The following VIPR2 variants were observed in gnomAD, a reference collection of about 807,000 sequenced individuals.
VIPR2 encodes vasoactive intestinal polypeptide receptor 2.
A neutral mutation model predicts 58.0 loss-of-function variants in VIPR2; 48 were observed. That is an observed-to-expected ratio of 0.83 (90% confidence interval 0.66 to 1.05). The LOEUF (loss-of-function observed/expected upper bound fraction) is 1.05. Among genes scored for constraint, VIPR2 ranks in the 50% least tolerant of loss-of-function variants. The probability of loss-of-function intolerance (pLI) is 0.00; values close to 1 mark genes in which losing one functional copy is unlikely to be tolerated. For missense variants in VIPR2, 534 were observed against 558.0 expected, an observed-to-expected ratio of 0.96 and a Z score of 0.43; for synonymous variants, 243 against 235.2, an observed-to-expected ratio of 1.03 and a Z score of -0.30.
Position 159,141,308 on chromosome 7 carries a change from C to A in VIPR2, c.151+1138G>T, listed in dbSNP as rs78519681. ...ATCTGGAAGATGGGCCAGAACCATG[C>A]GTGCACCGCGGAATCGCAGATCTTT... On this transcript the variant is annotated intron_variant, in intron 2 of 12. Transcript: ENST00000262178. Among the ~76,000 whole-genome samples, 40 of 152,370 alleles carry A rather than the reference C, an allele frequency of 2.6e-4. No homozygotes were observed. The East Asian group carries it at 6.4e-3, about 24-fold the overall frequency.
In VIPR2 at chr7:159,097,464, G is replaced by A. The variant is rs7803730; in HGVS notation, c.357+6293C>T. Among the ~76,000 whole-genome samples, 4,508 of 152,032 alleles carry A rather than the reference G, an allele frequency of 0.03. 222 individuals are homozygous for A. The highest frequency in any genetic ancestry group is 0.1 in the African/African-American group (4,263 of 41,462). On this transcript the variant is annotated intron_variant, in intron 4 of 12. Coordinates refer to ENST00000262178, the MANE Select transcript of VIPR2 (RefSeq NM_003382.5). This position sits in a 1 kb window ranked among gnomAD's most constrained non-coding sequence, Gnocchi z 5.3. Reference sequence around the variant, plus strand: ...ACGGTGTGCTGCTGAGGCCATTCCCGGGAACGCCACACTCCGCCCTGGCCA... The same window carrying A: ...ACGGTGTGCTGCTGAGGCCATTCCCAGGAACGCCACACTCCGCCCTGGCCA...
chr7:159,049,391 C>A (rs1430420307), intron 5 of VIPR2, among the ~76,000 whole-genome samples: 1 of 152,304 alleles, frequency 6.6e-6, no homozygotes, highest in East Asian at 1.9e-4. Flanking sequence ...AAGGGCTGGA[C>A]TCTGGGGAGA....
intron 2 of VIPR2, among the ~76,000 whole-genome samples, chr7:159,122,471 G>A (rs867421225): frequency 2.6e-5 from 4 of 152,344 alleles, no homozygotes; most frequent in Middle Eastern, 3.4e-3. Context: ...GGTCTCCCAG[G>A]AAGAGACTGA....
chr7:159,143,470 C>T (rs1183069870), intron 1 of VIPR2, among the ~76,000 whole-genome samples: 4 of 152,034 alleles, frequency 2.6e-5, no homozygotes, highest in Non-Finnish European at 5.9e-5. Flanking sequence ...AGTTATCTTA[C>T]TATTGAAATG....
In VIPR2 at chr7:159,093,605, C is replaced by T. The variant is rs1215472948; in HGVS notation, c.357+10152G>A. 2.6e-5 allele frequency among the ~76,000 whole-genome samples: 4 copies of T among 152,210 alleles called. No homozygotes were observed. The highest frequency in any genetic ancestry group is 1.9e-4 in the East Asian group (1 of 5,182). ...CTGGGCTCAGGATCCGAGATGGGAG[C>T]GAGGAGCTGTTCCACCCACAACAAG... On this transcript the variant is annotated intron_variant, in intron 4 of 12. Coordinates refer to ENST00000262178, the MANE Select transcript of VIPR2 (RefSeq NM_003382.5). The surrounding 1 kb of genome is among the most constrained non-coding windows in gnomAD (Gnocchi z 6.7).
chr7:159,110,022 A>G (rs1795930486), intron 2 of VIPR2, 103 bp from the exon 3 acceptor site: 1 of 1,046,606 alleles, frequency 9.6e-7, no homozygotes, highest in Admixed American at 2.0e-5. Context: ...CTTTCCTGTG[A>G]AACACACTTG....
chr7:159,039,324 C>A (rs1356416003), intron 6 of VIPR2, among the ~76,000 whole-genome samples: 1 of 151,652 alleles, frequency 6.6e-6, no homozygotes, highest in Non-Finnish European at 1.5e-5. Context: ...CACACACACA[C>A]AAAATTAGCT....
intron 5 of VIPR2, among the ~76,000 whole-genome samples, chr7:159,054,100 A>AG (rs1855159460): frequency 6.6e-6 from 1 of 152,190 alleles, no homozygotes; most frequent in South Asian, 2.1e-4. Context: ...TGTGAAGAGA[A>AG]GCATTGCAGG....
chr7:159,050,468 A>G (rs1259074579), intron 5 of VIPR2, among the ~76,000 whole-genome samples: 2 of 151,934 alleles, frequency 1.3e-5, no homozygotes, highest in Non-Finnish European at 2.9e-5. Context: ...AAAGAAATGG[A>G]GAATTTTATT....
chr7:159,124,334 A>G (rs557589924), intron 2 of VIPR2, among the ~76,000 whole-genome samples: 1 of 152,292 alleles, frequency 6.6e-6, no homozygotes, highest in East Asian at 1.9e-4. Context: ...ATGTGTAAGG[A>G]AAGAGTCCAG....
intron 10 of VIPR2, 41 bp downstream of exon 10, chr7:159,034,172 G>A: frequency 6.3e-7 from 1 of 1,599,266 alleles, no homozygotes; most frequent in South Asian, 1.1e-5. Flanking sequence ...TCTCCACACG[G>A]CATCCCCATC....
At chr7:159,139,988 G>A (rs1247947600) in intron 2 of VIPR2, among the ~76,000 whole-genome samples, 1 of 152,230 alleles carries the variant, frequency 6.6e-6, no homozygotes, top group African/African-American at 2.4e-5. Flanking sequence ...AAGTCATACA[G>A]CTCCAAATAA....
rs556810654 is a variant in VIPR2, at chr7:159,099,697, A to C, written c.357+4060T>G. On this transcript the variant is annotated intron_variant, in intron 4 of 12. Transcript: ENST00000262178. This position sits in a 1 kb window ranked among gnomAD's most constrained non-coding sequence, Gnocchi z 4.2. ...TGTCTCCCAGGCACAGTTGCCGGCT[A>C]GGTGCAGACGAAGATGAAGACTCAG... Among the ~76,000 whole-genome samples the C allele has an allele frequency of 3.4e-4, 52 of 152,250 alleles. No individual in the cohort carries two copies. Among genetic ancestry groups the C allele is most frequent in the African/African-American group, 1.3e-3 (52 of 41,546 alleles).
At chr7:159,076,811 T>A (rs1029114034) in intron 4 of VIPR2, among the ~76,000 whole-genome samples, 2 of 152,184 alleles carry the variant, frequency 1.3e-5, no homozygotes, top group Non-Finnish European at 2.9e-5. Flanking sequence ...TTGGTTTAGT[T>A]TTTTTAAAAA....
At chr7:159,094,560 G>A (rs1457578723) in intron 4 of VIPR2, among the ~76,000 whole-genome samples, 1 of 152,218 alleles carries the variant, frequency 6.6e-6, no homozygotes, top group Non-Finnish European at 1.5e-5. Context: ...TCCCAGAGAA[G>A]AGTGTGCACT....
At chr7:159,062,747 A>G (rs7787641) in intron 4 of VIPR2, among the ~76,000 whole-genome samples, 26,969 of 152,030 alleles carry the variant, frequency 0.18, 2,462 homozygotes, top group African/African-American at 0.18. Context: ...GACCCAGTGA[A>G]TTGTCTCTAC....
chr7:159,058,350 G>A, intron 5 of VIPR2, 131 bp downstream of exon 5: 1 of 706,946 alleles, frequency 1.4e-6, no homozygotes, highest in South Asian at 1.6e-5. Context: ...ATATTTAATG[G>A]CAGCATTCTC....
rs201932103 is a variant in VIPR2 at position 159,142,498 on chromosome 7, C to T, written c.99G>A (p.Glu33=). The part of the protein sequence containing the change: ...PECRFHLEIQ[E]EETKCAELLR... ...GAAGCTCTGCACATTTTGTTTCTTC[C>T]TCCTGTATTTCCAGATGAAATCGGC... The change falls in exon 2 of 13, where the codon GAG becomes GAA. Residue 33 remains glutamate (E), a synonymous_variant. Transcript: ENST00000262178. The T allele has an allele frequency of 3.2e-5, 52 of 1,614,020 alleles. No individual in the cohort carries two copies. In the East Asian group the frequency reaches 9.8e-4, roughly 30 times the overall value.
At chr7:159,112,137 C>T (rs1387212691) in intron 2 of VIPR2, among the ~76,000 whole-genome samples, 1 of 152,218 alleles carries the variant, frequency 6.6e-6, no homozygotes, top group Non-Finnish European at 1.5e-5. Context: ...ATACTAAATT[C>T]ATACCACATC....
Sources: gnomAD v4.1 joint callset for allele counts (sites outside exome capture counted in the v4.1 genomes callset) on GRCh38, gnomAD v4.1.1 for gene constraint, Gnocchi (gnomAD v3.1) non-coding constraint, MANE v1.5 for transcripts, NCBI Gene and HGNC (gene_info 2026-07-23, HGNC 2026-07-21) for gene names.